Variants in MOB1B observed in about 807,000 individuals in gnomAD.
MOB1B encodes the protein MOB1 Mps One Binder homolog B.
Under a neutral mutation model 24.4 loss-of-function variants are expected in MOB1B, and 19 were observed. That is an observed-to-expected ratio of 0.78 (90% CI 0.54 to 1.14). The LOEUF is 1.14. Ranked by LOEUF, MOB1B falls within the 50% of genes most tolerant of loss-of-function variation. The pLI is 0.00. For missense variants in MOB1B, 243 were observed against 259.6 expected (o/e 0.94, Z 0.44); for synonymous variants, 76 against 82.1 (o/e 0.93, Z 0.40).
intron 1 of MOB1B, among the ~76,000 whole-genome samples, chr4:70,957,927 C>T (rs1172357245): frequency 1.3e-5 from 2 of 151,798 alleles, no homozygotes; most frequent in Non-Finnish European, 2.9e-5. Flanking sequence ...ACTATTAAAA[C>T]CACCTTGAAG....
intron 1 of MOB1B, among the ~76,000 whole-genome samples, chr4:70,925,003 A>G (rs1736592604): frequency 1.3e-5 from 2 of 152,152 alleles, no homozygotes; most frequent in South Asian, 2.1e-4. Flanking sequence ...ACATTTGGGA[A>G]CCAAAATTTG....
intron 3 of MOB1B, among the ~76,000 whole-genome samples, chr4:70,971,382 G>A (rs1363315285): frequency 5.3e-5 from 8 of 151,812 alleles, no homozygotes; most frequent in Non-Finnish European, 7.4e-5. Flanking sequence ...GTGTGCATCT[G>A]TAATCCCAGC....
At chr4:70,903,420 G>A (rs1477119710) in intron 1 of MOB1B, among the ~76,000 whole-genome samples, 1 of 152,174 alleles carries the variant, frequency 6.6e-6, no homozygotes, top group Non-Finnish European at 1.5e-5. Context: ...AGAAGGATGG[G>A]ATGGCCAGAT....
intron 1 of MOB1B, among the ~76,000 whole-genome samples, chr4:70,906,533 TA>T (rs1735757269): frequency 6.6e-6 from 1 of 152,162 alleles, no homozygotes; most frequent in African/African-American, 2.4e-5. Context: ...CGGAAGGTTG[TA>T]AGTGCCATGG....
chr4:70,930,914 A>G (rs1454399387), intron 1 of MOB1B, among the ~76,000 whole-genome samples: 1 of 150,606 alleles, frequency 6.6e-6, no homozygotes, highest in Non-Finnish European at 1.5e-5. Flanking sequence ...TTTGCAGTTG[A>G]CTGTATTAGC....
chr4:70,957,581 G>A (rs529708093), intron 1 of MOB1B, among the ~76,000 whole-genome samples: 2 of 151,836 alleles, frequency 1.3e-5, no homozygotes, highest in African/African-American at 4.8e-5. Context: ...TGGGACTACG[G>A]GCTGCACCAT....
intron 1 of MOB1B, among the ~76,000 whole-genome samples, chr4:70,944,804 A>G (rs1449448592): frequency 2.6e-5 from 4 of 152,114 alleles, no homozygotes; most frequent in Admixed American, 2.0e-4. Flanking sequence ...ATGAGATGCC[A>G]CAGACTTTTA....
intron 1 of MOB1B, among the ~76,000 whole-genome samples, chr4:70,907,064 C>T (rs538642967): frequency 4.6e-5 from 7 of 152,260 alleles, no homozygotes; most frequent in Non-Finnish European, 4.4e-5. Context: ...AGAGTACAGT[C>T]AGAGGAAACA....
At chr4:70,955,464 CTTT>C (rs36054184) in intron 1 of MOB1B, among the ~76,000 whole-genome samples, 3 of 89,330 alleles carry the variant, frequency 3.4e-5, no homozygotes, top group Non-Finnish European at 4.2e-5. Context: ...AGTATGTGTC[CTTT>C]TTTTTTTTTT....
intron 1 of MOB1B, among the ~76,000 whole-genome samples, chr4:70,911,100 C>T (rs980254968): frequency 2.6e-5 from 4 of 152,090 alleles, no homozygotes; most frequent in African/African-American, 9.7e-5. Flanking sequence ...TCTTCTGAAT[C>T]TTTTTTATTG....
At chr4:70,913,300 GTATC>G (rs1553933737) in intron 1 of MOB1B, among the ~76,000 whole-genome samples, 1 of 147,316 alleles carries the variant, frequency 6.8e-6, no homozygotes, top group Non-Finnish European at 1.5e-5. Context: ...ATGTATGTAT[GTATC>G]TATGTATTTT....
intron 4 of MOB1B, chr4:70,976,483 T>C: frequency 3.0e-6 from 3 of 985,336 alleles, no homozygotes; most frequent in Non-Finnish European, 3.6e-6. Flanking sequence ...TTGTATTTAC[T>C]TTTAAGGGCA....
intron 1 of MOB1B, chr4:70,942,815 G>T (rs924457560): frequency 3.2e-6 from 3 of 930,250 alleles, no homozygotes; most frequent in Admixed American, 6.2e-5. Flanking sequence ...TGTGTTTTTT[G>T]TCTGTAGAGA....
intron 1 of MOB1B, among the ~76,000 whole-genome samples, chr4:70,916,311 T>G (rs1736190909): frequency 6.6e-6 from 1 of 152,210 alleles, no homozygotes; most frequent in Admixed American, 6.5e-5. Flanking sequence ...GGTCACACAT[T>G]TCTTTCAGCT....
chr4:70,974,924 C>T (rs1050941290), intron 3 of MOB1B, among the ~76,000 whole-genome samples: 1 of 152,108 alleles, frequency 6.6e-6, no homozygotes, highest in African/African-American at 2.4e-5. Context: ...AAAAAATGGA[C>T]ATGTGAGGAG....
chr4:70,948,591 T>G (rs1297299269), intron 1 of MOB1B, among the ~76,000 whole-genome samples: 1 of 152,228 alleles, frequency 6.6e-6, no homozygotes, highest in Non-Finnish European at 1.5e-5. Flanking sequence ...TTTCTAAAGA[T>G]ACTGATTATA....
At chr4:70,921,946 T>C (rs548052121) in intron 1 of MOB1B, among the ~76,000 whole-genome samples, 6 of 152,338 alleles carry the variant, frequency 3.9e-5, no homozygotes, top group Non-Finnish European at 8.8e-5. Context: ...TCCCACATCT[T>C]TCTCCCCTAC....
At chr4:70,959,152 AAG>A in intron 2 of MOB1B, 112 bp downstream of exon 2, 1 of 769,724 alleles carries the variant, frequency 1.3e-6, no homozygotes, top group South Asian at 2.0e-5. Context: ...AATATCATAA[AAG>A]AGTGATATCT....
chr4:70,982,303 G>T lies in MOB1B; in HGVS notation c.*246G>T, dbSNP rs1194671286. ...CTTAGTGTTTTTAAACTTGGTTTTG[G>T]TTACTTGAGGAGTTTTTTAATAATA... On this transcript the variant is annotated 3_prime_UTR_variant, in exon 6 of 6. Transcript: ENST00000309395. The T allele has an allele frequency of 3.2e-6, 1 of 309,100 alleles. No individual in the cohort carries two copies. The highest frequency in any genetic ancestry group is 5.9e-6 in the Non-Finnish European group (1 of 168,516). 19.1% of individuals were successfully genotyped at this position (309,100 alleles called of 1,614,324 possible).
Sources: gnomAD v4.1 joint callset for allele counts (sites outside exome capture counted in the v4.1 genomes callset) on GRCh38, gnomAD v4.1.1 for gene constraint, MANE v1.5 for transcripts, NCBI Gene and HGNC (gene_info 2026-07-23, HGNC 2026-07-21) for gene names.